Variants in STAB1 observed in about 807,000 individuals in gnomAD.
STAB1 encodes the protein stabilin-1.
Under a neutral mutation model 332.4 loss-of-function variants are expected in STAB1, and 250 were observed. The observed-to-expected ratio is 0.75, with a 90% CI of 0.68 to 0.84. The LOEUF (loss-of-function observed/expected upper bound fraction) is 0.84, where lower values mean the gene tolerates loss of function less well. STAB1 is among the 40% of genes least tolerant of loss of function. STAB1 has a pLI of 0.00. For missense variants in STAB1, 3,249 were observed against 3,489.7 expected (o/e 0.93, Z 1.74); for synonymous variants, 1,475 against 1,390.4 (o/e 1.06, Z -1.35).
chr3:52,510,093 C>A (rs1317126993), intron 23 of STAB1, 37 bp downstream of exon 23: 1 of 1,613,590 alleles, frequency 6.2e-7, no homozygotes, highest in Non-Finnish European at 8.5e-7. Context: ...CCACCCGTGA[C>A]CTTTCATACC....
chr3:52,514,255 C>CAT, intron 33 of STAB1, 42 bp downstream of exon 33: 1 of 1,607,958 alleles, frequency 6.2e-7, no homozygotes, highest in East Asian at 2.2e-5. Context: ...AGGGCAAAGG[C>CAT]ATAGAGGGCG....
At position 52,524,325 on chromosome 3, in the gene STAB1, C is replaced by T. The variant is rs749634651; in HGVS notation, c.7682C>T (p.Pro2561Leu). Residue 2561 changes from proline to leucine, a missense_variant, in exon 69 of 69, where the codon CCT becomes CTT. Transcript: ENST00000321725. ...GACTCACTGCTGGAGGAGGACTTCC[C>T]TGACACCCAGAGGATCCTCACAGTC... ...FDDSLLEEDFPDTQRILTVK is the reference protein window; with the variant it reads ...FDDSLLEEDFLDTQRILTVK 12 of 1,613,810 alleles carry T rather than the reference C, an allele frequency of 7.4e-6. No individual in the cohort carries two copies. Among genetic ancestry groups the T allele is most frequent in the Non-Finnish European group, 9.3e-6 (11 of 1,180,026 alleles).
chr3:52,501,360 C>A, intron 2 of STAB1, 58 bp downstream of exon 2: 4 of 1,588,046 alleles, frequency 2.5e-6, no homozygotes, highest in Non-Finnish European at 3.4e-6. Flanking sequence ...GTGGCAGGGA[C>A]TCGGGGAGCC....
chr3:52,499,537 T>C (rs1452820918), intron 1 of STAB1, among the ~76,000 whole-genome samples: 1 of 152,210 alleles, frequency 6.6e-6, no homozygotes, highest in Non-Finnish European at 1.5e-5. Context: ...CAGGTAATGA[T>C]GGCCTCTTTC....
At position 52,513,786 on chromosome 3, in the gene STAB1, C is replaced by T; in HGVS notation, c.3340C>T (p.Leu1114Phe). The change falls in exon 31 of 69, where the codon CTC becomes TTC. Residue 1114 changes from leucine to phenylalanine, a missense_variant. Leu to Phe is a conservative substitution (Grantham distance 22). Transcript: ENST00000321725. ...LLATNGVLHI[L>F]SQVLLPPRGD... ...TGCCACCAACGGTGTCCTACACATCCTCAGCCAGGTACAGCAGGAGGAGGG... is the reference window on the plus strand; with the variant it reads ...TGCCACCAACGGTGTCCTACACATCTTCAGCCAGGTACAGCAGGAGGAGGG... 1 of 1,613,450 alleles carries T rather than the reference C, an allele frequency of 6.2e-7. No individual in the cohort carries two copies. The highest frequency in any genetic ancestry group is 8.5e-7 in the Non-Finnish European group (1 of 1,180,008).
In STAB1 at chr3:52,513,227, C is replaced by T. The variant is rs919440498; in HGVS notation, c.3256C>T (p.Arg1086Cys). Reference protein sequence around the residue: ...TLNPTTRWEIRNISGRVWVQN... With the variant: ...TLNPTTRWEICNISGRVWVQN... The stretch of plus-strand genomic sequence containing the variant: ...GAACCCCACCACACGCTGGGAGATT[C>T]GCAACATTAGTGGGGTATGTGGTGA... Residue 1086 changes from arginine (R) to cysteine (C), a missense_variant, in exon 30 of 69, where the codon CGC becomes TGC. Coordinates refer to ENST00000321725, the MANE Select transcript of STAB1 (RefSeq NM_015136.3). The T allele has an allele frequency of 6.3e-6, 10 of 1,579,710 alleles. No individual in the cohort carries two copies. The highest frequency in any genetic ancestry group is 1.8e-5 in the Admixed American group (1 of 54,470).
intron 67 of STAB1, 24 bp downstream of exon 67, chr3:52,524,041 T>C (rs1472738828): frequency 1.9e-6 from 3 of 1,611,934 alleles, no homozygotes; most frequent in African/African-American, 1.3e-5. Context: ...GGGGCTGCCA[T>C]GGCGGGTCCT....
In STAB1 at chr3:52,521,941, T is replaced by A. The variant is rs9853056; in HGVS notation, c.6261T>A (p.Arg2087=). The A allele has an allele frequency of 1.9e-6, 3 of 1,608,014 alleles. No individual in the cohort carries two copies. The highest frequency in any genetic ancestry group is 2.6e-6 in the Non-Finnish European group (3 of 1,176,204). The change falls in exon 58 of 69, where the codon CGT becomes CGA. Residue 2087 remains arginine (R), a synonymous_variant. Coordinates refer to ENST00000321725, the MANE Select transcript of STAB1 (RefSeq NM_015136.3). ...ECSLGYEGDG[R]VCTVADLCQD... is the part of the protein sequence containing the mutation. ...GCCTGGGCTATGAAGGGGATGGCCG[T>A]GTGTGTACAGGTAAGCAGATGGGCG...
rs910426856 is a variant in STAB1, at chr3:52,501,466, C to T, written c.215+164C>T. On this transcript the variant is annotated intron_variant, in intron 2 of 68. Transcript: ENST00000321725. ...ATAGGCGGGGAGGAAGGGGTAAAGG[C>T]GAGGGGCAGGAGGGGTTTATGGGGC... The T allele has an allele frequency of 1.6e-4, 187 of 1,201,952 alleles. 1 individual carries two copies. Among genetic ancestry groups the T allele is most frequent in the Non-Finnish European group, 2.0e-4 (171 of 858,692 alleles). 74.5% of individuals were successfully genotyped at this position (1,201,952 alleles called of 1,614,324 possible).
intron 17 of STAB1, 48 bp from the exon 18 acceptor site, chr3:52,506,644 G>A (rs771856809): frequency 5.1e-6 from 8 of 1,557,668 alleles, no homozygotes; most frequent in East Asian, 2.3e-5. Flanking sequence ...GCCCCACCGG[G>A]CCAAGGCCAG....
chr3:52,501,724 G>A lies in STAB1; in HGVS notation c.302G>A (p.Cys101Tyr). The A allele has an allele frequency of 6.4e-7, 1 of 1,572,494 alleles. No homozygotes were observed. Among genetic ancestry groups the A allele is most frequent in the Non-Finnish European group, 8.6e-7 (1 of 1,159,738 alleles). ...CRKQVVQKAC[C>Y]PGYWGSRCHE... Reference sequence around the variant, plus strand: ...AAGCAAGTGGTGCAGAAGGCCTGCTGCCCTGGCTACTGGGGTTCCCGGTGC... The same window carrying A: ...AAGCAAGTGGTGCAGAAGGCCTGCTACCCTGGCTACTGGGGTTCCCGGTGC... Residue 101 changes from cysteine to tyrosine, a missense_variant, in exon 3 of 69, where the codon TGC becomes TAC. Coordinates refer to ENST00000321725, the MANE Select transcript of STAB1 (RefSeq NM_015136.3).
At position 52,514,617 on chromosome 3, in the gene STAB1, C is replaced by T. The variant is rs749794163; in HGVS notation, c.3679-84C>T. 6.2e-5 allele frequency: 98 copies of T among 1,591,986 alleles called. No individual in the cohort carries two copies. In the Middle Eastern group the frequency reaches 2.4e-3, roughly 38 times the overall value. On this transcript the variant is annotated intron_variant, in intron 34 of 68. Coordinates refer to ENST00000321725, the MANE Select transcript of STAB1 (RefSeq NM_015136.3). ...CTAACCTCTGCTCCAGGGAGCCCCC[C>T]GGCCCTGGAGTACTGCCTGACCTTA... is the stretch of plus-strand genomic sequence containing the variant.
In STAB1 at chr3:52,511,730, C is replaced by T. The variant is rs369834953; in HGVS notation, c.2868C>T (p.Gly956=). 1.1e-4 allele frequency: 168 copies of T among 1,592,900 alleles called. No individual in the cohort carries two copies. The highest frequency in any genetic ancestry group is 3.4e-4 in the South Asian group (30 of 88,334). ...SPIDPCRAGN[G]GCHGLATCRA... ...TCGACCCCTGCCGGGCAGGCAATGG[C>T]GGCTGCCACGGCCTGGTAAGGGGGT... The change falls in exon 26 of 69, where the codon GGC becomes GGT. Residue 956 remains glycine (G), a synonymous_variant. Transcript: ENST00000321725.
chr3:52,504,704 C>A (rs763749353), intron 11 of STAB1, 35 bp from the exon 12 acceptor site: 7 of 1,613,334 alleles, frequency 4.3e-6, no homozygotes, highest in African/African-American at 1.3e-5. Flanking sequence ...GGACTGGCCC[C>A]CCGGCTCACT....
chr3:52,523,710 GCAT>G lies in STAB1; in HGVS notation c.7354_7356del (p.Ile2452del). On this transcript the variant is annotated inframe_deletion, in exon 66 of 69. Coordinates refer to ENST00000321725, the MANE Select transcript of STAB1 (RefSeq NM_015136.3). ...GTGTGGGACATCATGGCCTTCAATG[GCAT>G]CATCCATGCTCTGGCCAGCCCCCTC... The G allele has an allele frequency of 6.2e-7, 1 of 1,610,046 alleles. No individual in the cohort carries two copies. Among genetic ancestry groups the G allele is most frequent in the Non-Finnish European group, 8.5e-7 (1 of 1,177,656 alleles).
At chr3:52,495,532 C>T in intron 1 of STAB1, 41 bp downstream of exon 1, 1 of 1,287,894 alleles carries the variant, frequency 7.8e-7, no homozygotes. Flanking sequence ...GCGTCTGGGC[C>T]CTGCCGGCCA....
chr3:52,500,612 G>A (rs927002863), intron 1 of STAB1, among the ~76,000 whole-genome samples: 2 of 152,254 alleles, frequency 1.3e-5, no homozygotes, highest in South Asian at 4.1e-4. Context: ...GGCTGGAGCC[G>A]GCATCGTGCC....
Position 52,516,153 on chromosome 3 carries a change from C to T in STAB1, c.4059C>T (p.Ser1353=), listed in dbSNP as rs755541216. 19 of 1,611,616 alleles carry T rather than the reference C, an allele frequency of 1.2e-5. No individual in the cohort carries two copies. Among genetic ancestry groups the T allele is most frequent in the East Asian group, 2.2e-5 (1 of 44,860 alleles). ...AGTGCCAGGACAGGTTCCTGGGCAG[C>T]GGGGAGTGCCACTGCCACGAGGGCT... The part of the protein sequence containing the change: ...HGQCQDRFLG[S]GECHCHEGFH... The change falls in exon 38 of 69, where the codon AGC becomes AGT. Residue 1353 remains serine (S), a synonymous_variant. Transcript: ENST00000321725.
rs201164026 is a variant in STAB1, at chr3:52,516,747, G to A, written c.4342G>A (p.Gly1448Ser). The change falls in exon 41 of 69, where the codon GGC (glycine) becomes AGC (serine). Residue 1448 changes from glycine (G) to serine (S), a missense_variant. By Grantham distance (56) the Gly-to-Ser change is moderately conservative (BLOSUM62 0). Transcript: ENST00000321725. ...STCACAAGYSGNGIFCSEVDP... is the reference protein window; with the variant it reads ...STCACAAGYSSNGIFCSEVDP... Reference sequence around the variant, plus strand: ...CTGCGCCTGTGCTGCGGGATACTCCGGCAATGGCATCTTCTGTTCAGGTCC... The same window carrying A: ...CTGCGCCTGTGCTGCGGGATACTCCAGCAATGGCATCTTCTGTTCAGGTCC... 51 of 1,610,678 alleles carry A rather than the reference G, an allele frequency of 3.2e-5. No individual in the cohort carries two copies. Among genetic ancestry groups the A allele is most frequent in the African/African-American group, 1.5e-4 (11 of 74,964 alleles).
Sources: gnomAD v4.1 joint callset for allele counts (sites outside exome capture counted in the v4.1 genomes callset) on GRCh38, gnomAD v4.1.1 for gene constraint, MANE v1.5 for transcripts, NCBI Gene and HGNC (gene_info 2026-07-23, HGNC 2026-07-21) for gene names.